DNAH1: variants seen among roughly 807,000 people sequenced by gnomAD.
The protein encoded by DNAH1 is dynein axonemal heavy chain 1.
A neutral mutation model predicts 484.3 loss-of-function variants in DNAH1; 327 were observed. The ratio of observed to expected loss-of-function variants is 0.68; its 90% CI spans 0.62 to 0.74. The LOEUF is 0.74. Among genes scored for constraint, DNAH1 ranks in the 30% least tolerant of loss-of-function variants. The pLI, the probability that DNAH1 is intolerant of heterozygous loss-of-function variation, is 0.00. For missense variants in DNAH1, 5,052 were observed against 5,546.8 expected (o/e 0.91, Z 2.83); for synonymous variants, 2,192 against 2,191.9 (o/e 1.00, Z 0.00).
At chr3:52,378,839 C>T in intron 47 of DNAH1, 59 bp downstream of exon 47, 6 of 1,594,092 alleles carry the variant, frequency 3.8e-6, no homozygotes, top group Non-Finnish European at 5.1e-6. Flanking sequence ...TCCTCCCCAG[C>T]CCCACCAATT....
In DNAH1 at chr3:52,362,617, A is replaced by G. The variant is rs532415191; in HGVS notation, c.5094+116A>G. 2 of 962,322 alleles carry G rather than the reference A, an allele frequency of 2.1e-6. No individual in the cohort carries two copies. Among genetic ancestry groups the G allele is most frequent in the Admixed American group, 2.1e-5 (1 of 46,946 alleles). 59.6% of individuals were successfully genotyped at this position (962,322 alleles called of 1,614,324 possible). ...TGGACTCCAGGGACTGTGATTCCCT[A>G]TGGTAGCCCCTTAGCCATGGAGGGG... On this transcript the variant is annotated intron_variant, in intron 31 of 77. Coordinates refer to ENST00000420323, the MANE Select transcript of DNAH1 (RefSeq NM_015512.5). The surrounding 1 kb of genome is among the most constrained non-coding windows in gnomAD (Gnocchi z 5.1).
intron 76 of DNAH1, 97 bp downstream of exon 76, chr3:52,399,298 C>A: frequency 7.7e-7 from 1 of 1,304,818 alleles, no homozygotes; most frequent in South Asian, 1.4e-5. Flanking sequence ...TTGGGGGACC[C>A]CTAAGCCAGG....
chr3:52,381,678 C>T lies in DNAH1; in HGVS notation c.7647C>T (p.Asn2549=), dbSNP rs1703851271. 1.2e-6 allele frequency: 2 copies of T among 1,609,002 alleles called. No homozygotes were observed. Among genetic ancestry groups the T allele is most frequent in the African/African-American group, 1.3e-5 (1 of 74,848 alleles). ...TAGAGGAGTACATAGAGGACTACAA[C>T]CAGATCAACACGGCCAAGCTGAAGC... is the stretch of plus-strand genomic sequence containing the variant. ...QVIEEYIEDY[N]QINTAKLKLV... Residue 2549 remains asparagine, a synonymous_variant, in exon 49 of 78, where the codon AAC becomes AAT. Coordinates refer to ENST00000420323, the MANE Select transcript of DNAH1 (RefSeq NM_015512.5). This position sits in a 1 kb window ranked among gnomAD's most constrained non-coding sequence, Gnocchi z 4.1.
At chr3:52,363,823 A>C (rs559277463) in intron 32 of DNAH1, among the ~76,000 whole-genome samples, 5 of 152,254 alleles carry the variant, frequency 3.3e-5, no homozygotes, top group African/African-American at 1.2e-4. Context: ...AATCAGTACT[A>C]CCTTTGGCCA....
intron 34 of DNAH1, among the ~76,000 whole-genome samples, chr3:52,365,511 T>G (rs536012148): frequency 6.6e-6 from 1 of 152,158 alleles, no homozygotes; most frequent in East Asian, 1.9e-4. Context: ...CTTCACTGAC[T>G]TGTTGCAAAG....
chr3:52,322,463 A>G lies in DNAH1; in HGVS notation c.21A>G (p.Lys7=), dbSNP rs1163322964. Residue 7 remains lysine, a synonymous_variant, in exon 2 of 78, where the codon AAA becomes AAG. Transcript: ENST00000420323. MEQPNS[K]GYSLGRTPQG... is the part of the protein sequence containing the mutation. ...GCAGCATGGAGCAGCCTAACAGTAA[A>G]GGCTATAGCCTGGGAAGGACCCCTC... 6.2e-7 allele frequency: 1 copy of G among 1,610,728 alleles called. No individual in the cohort carries two copies.
In DNAH1 at chr3:52,392,554, C is replaced by G. The variant is rs1389922876; in HGVS notation, c.10143C>G (p.Ala3381=). The change falls in exon 64 of 78, where the codon GCC becomes GCG. Residue 3381 remains alanine (A), a synonymous_variant. Coordinates refer to ENST00000420323, the MANE Select transcript of DNAH1 (RefSeq NM_015512.5). ...EAKNQLIISN[A]KMRQELKDIE... ...AGAACCAGCTGATTATCAGTAATGC[C>G]AAGATGCGCCAGGAGCTGAAGGACA... 6.2e-7 allele frequency: 1 copy of G among 1,614,008 alleles called. No individual in the cohort carries two copies. The highest frequency in any genetic ancestry group is 8.5e-7 in the Non-Finnish European group (1 of 1,179,894).
At chr3:52,375,137 C>G in intron 44 of DNAH1, 103 bp from the exon 45 acceptor site, 1 of 1,299,580 alleles carries the variant, frequency 7.7e-7, no homozygotes, top group Non-Finnish European at 1.0e-6. Context: ...TATTCCAGTA[C>G]TGTTCTAAAG....
chr3:52,393,626 A>C lies in DNAH1; in HGVS notation c.10626+141A>C. ...GCAGAGGAAACAATTCCTTGATTAA[A>C]AGCAGCCAGGGCCGGGCACGGTGAC... is the stretch of plus-strand genomic sequence containing the variant. On this transcript the variant is annotated intron_variant, in intron 66 of 77. Transcript: ENST00000420323. The C allele has an allele frequency of 2.3e-6, 3 of 1,311,442 alleles. No homozygotes were observed. In the South Asian group the frequency reaches 4.2e-5, roughly 18 times the overall value. 81.2% of individuals were successfully genotyped at this position (1,311,442 alleles called of 1,614,324 possible).
chr3:52,366,708 C>T (rs989015624), intron 35 of DNAH1, 25 bp from the exon 36 acceptor site: 140 of 1,595,138 alleles, frequency 8.8e-5, no homozygotes, highest in Non-Finnish European at 1.2e-4. Context: ...CTGGGAGCCT[C>T]ACTCTCAGGC....
chr3:52,345,660 G>A lies in DNAH1; in HGVS notation c.1610G>A (p.Ser537Asn), dbSNP rs201302159. The part of the protein sequence containing the change: ...SLFHSSLSKY[S>N]HLEEFEQIQS... ...TTCCACTCGAGCCTCTCCAAGTACAGCCACCTGGAGGAATTTGAGCAGATC... is the reference window on the plus strand; with the variant it reads ...TTCCACTCGAGCCTCTCCAAGTACAACCACCTGGAGGAATTTGAGCAGATC... Residue 537 changes from serine (S) to asparagine (N), a missense_variant, in exon 10 of 78, where the codon AGC (serine) becomes AAC (asparagine). Physicochemically the swap from Ser to Asn is conservative, Grantham distance 46 (BLOSUM62 1). This residue lies in a region of DNAH1 where 1,263 missense variants were observed against 1,218.8 expected (regional missense o/e 1.04). Transcript: ENST00000420323. The A allele has an allele frequency of 1.1e-4, 172 of 1,613,170 alleles. 1 individual carries two copies. The African/African-American group carries it at 2.0e-3, about 19-fold the overall frequency.
chr3:52,357,433 CCGTAGAATTTTT>C (rs527794494), intron 22 of DNAH1, among the ~76,000 whole-genome samples, 169 bp from the exon 23 acceptor site: 169 of 152,288 alleles, frequency 1.1e-3, no homozygotes, highest in African/African-American at 3.9e-3. Context: ...ACTTGTTTGA[CCGTAGAATTTTT>C]TCTGTGGGGC....
In DNAH1 at chr3:52,354,859, A is replaced by G; in HGVS notation, c.3497A>G (p.Glu1166Gly). 3 of 1,613,708 alleles carry G rather than the reference A, an allele frequency of 1.9e-6. No homozygotes were observed. Among genetic ancestry groups the G allele is most frequent in the African/African-American group, 1.3e-5 (1 of 75,016 alleles). ...CGACCCCAGGCACTGGACAAGATGG[A>G]GAAGGAGTGGTCGACCATCCTGTTC... is the stretch of plus-strand genomic sequence containing the variant. ...YAIEQALDKM[E>G]KEWSTILFNV... is the part of the protein sequence containing the mutation. Residue 1166 changes from glutamate (E) to glycine (G), a missense_variant, in exon 21 of 78, where the codon GAG becomes GGG. Glu to Gly is a moderately conservative substitution (Grantham distance 98). Coordinates refer to ENST00000420323, the MANE Select transcript of DNAH1 (RefSeq NM_015512.5).
Position 52,368,946 on chromosome 3 carries a change from C to G in DNAH1, c.5943+28C>G. 6.2e-7 allele frequency: 1 copy of G among 1,605,778 alleles called. No individual in the cohort carries two copies. The highest frequency in any genetic ancestry group is 1.3e-5 in the African/African-American group (1 of 74,922). ...GCACCTACCTGTCCACCTGCCCACTCTCCTCCAAGGCTGGGTGGGCCTGGA... is the reference window on the plus strand; with the variant it reads ...GCACCTACCTGTCCACCTGCCCACTGTCCTCCAAGGCTGGGTGGGCCTGGA... On this transcript the variant is annotated intron_variant, in intron 37 of 77. Transcript: ENST00000420323. The surrounding 1 kb of genome is among the most constrained non-coding windows in gnomAD (Gnocchi z 4.4).
intron 9 of DNAH1, among the ~76,000 whole-genome samples, chr3:52,344,980 A>G (rs924957756): frequency 1.3e-5 from 2 of 152,216 alleles, no homozygotes; most frequent in Middle Eastern, 3.2e-3. Flanking sequence ...CTCCAGTAGC[A>G]AGAGAGGAGA....
chr3:52,344,653 G>A lies in DNAH1; in HGVS notation c.1444+6G>A. 2 of 1,611,210 alleles carry A rather than the reference G, an allele frequency of 1.2e-6. No individual in the cohort carries two copies. Among genetic ancestry groups the A allele is most frequent in the Non-Finnish European group, 1.7e-6 (2 of 1,179,228 alleles). On this transcript the variant is annotated splice_donor_region_variant and intron_variant, in intron 9 of 77. Coordinates refer to ENST00000420323, the MANE Select transcript of DNAH1 (RefSeq NM_015512.5). Reference sequence around the variant, plus strand: ...GGAGCAGGTGCCTGAGCGAGGTGAGGGTCACTGGACCAAGATGGGCTCCAT... The same window carrying A: ...GGAGCAGGTGCCTGAGCGAGGTGAGAGTCACTGGACCAAGATGGGCTCCAT...
chr3:52,361,649 G>A lies in DNAH1; in HGVS notation c.4875-12G>A, dbSNP rs746915905. The A allele has an allele frequency of 6.3e-6, 10 of 1,592,904 alleles. No homozygotes were observed. The highest frequency in any genetic ancestry group is 5.7e-5 in the South Asian group (5 of 87,444). On this transcript the variant is annotated splice_polypyrimidine_tract_variant and intron_variant, in intron 29 of 77. Transcript: ENST00000420323. This position sits in a 1 kb window ranked among gnomAD's most constrained non-coding sequence, Gnocchi z 5.6. Reference sequence around the variant, plus strand: ...ACACATGTGCCCCATCCAATGTTCCGGCCTCACTCAGTGCTGGGGCCTGGG... The same window carrying A: ...ACACATGTGCCCCATCCAATGTTCCAGCCTCACTCAGTGCTGGGGCCTGGG...
intron 70 of DNAH1, among the ~76,000 whole-genome samples, chr3:52,396,166 C>T (rs1235323327): frequency 6.6e-6 from 1 of 152,092 alleles, no homozygotes; most frequent in Non-Finnish European, 1.5e-5. Context: ...AACTCCTGAC[C>T]TCGTGATTCG....
chr3:52,357,364 T>G (rs1000565185), intron 22 of DNAH1, among the ~76,000 whole-genome samples: 4 of 152,074 alleles, frequency 2.6e-5, no homozygotes, highest in Non-Finnish European at 4.4e-5. Context: ...CATATTAGCA[T>G]TTTAGAAGCT....
Sources: gnomAD v4.1 joint callset for allele counts (sites outside exome capture counted in the v4.1 genomes callset) on GRCh38, gnomAD v4.1.1 for gene constraint, gnomAD v4.1.1 regional missense constraint, Gnocchi (gnomAD v3.1) non-coding constraint, MANE v1.5 for transcripts, NCBI Gene and HGNC (gene_info 2026-07-23, HGNC 2026-07-21) for gene names.